Variants in ZNF532 observed in about 807,000 individuals in gnomAD.
The protein encoded by ZNF532 is zinc finger protein 532.
Under a neutral mutation model 89.3 loss-of-function variants are expected in ZNF532, and 22 were observed. The ratio of observed to expected loss-of-function variants is 0.25; its 90% CI spans 0.18 to 0.35. The LOEUF is 0.35. Ranked by LOEUF, ZNF532 falls within the 10% of genes least tolerant of loss-of-function variation. The probability of loss-of-function intolerance (pLI) is 1.00; values close to 1 mark genes in which losing one functional copy is unlikely to be tolerated. For missense variants in ZNF532, 1,132 were observed against 1,643.4 expected (o/e 0.69, Z 5.38); for synonymous variants, 606 against 649.6 (o/e 0.93, Z 1.02).
intron 2 of ZNF532, among the ~76,000 whole-genome samples, chr18:58,875,760 A>G (rs1455638169): frequency 1.3e-5 from 2 of 152,090 alleles, no homozygotes; most frequent in East Asian, 3.9e-4. Flanking sequence ...TCGACCCTAG[A>G]TTTGAACCAG....
chr18:58,965,766 C>T (rs1036239551), intron 7 of ZNF532, among the ~76,000 whole-genome samples: 26 of 152,204 alleles, frequency 1.7e-4, no homozygotes, highest in Non-Finnish European at 3.5e-4. Context: ...GGCAAATCTT[C>T]CTGCAGAATT....
intron 4 of ZNF532, among the ~76,000 whole-genome samples, chr18:58,937,334 C>T (rs976052972): frequency 6.6e-6 from 1 of 152,130 alleles, no homozygotes; most frequent in Non-Finnish European, 1.5e-5. Flanking sequence ...CCCTGAAATG[C>T]CTCTTCTTCC....
chr18:58,873,036 C>G (rs2057127733), intron 2 of ZNF532, among the ~76,000 whole-genome samples: 1 of 152,072 alleles, frequency 6.6e-6, no homozygotes, highest in African/African-American at 2.4e-5. Context: ...GAGGCAGGGT[C>G]TCACTGTGTC....
chr18:58,935,083 TCTCCTCCTCCCCA>T (rs1219753100), intron 4 of ZNF532, among the ~76,000 whole-genome samples: 51 of 88,284 alleles, frequency 5.8e-4, no homozygotes, highest in Non-Finnish European at 8.9e-4. Flanking sequence ...CAAATAACCT[TCTCCTCCTCCCCA>T]CTCCTCCTCC....
At chr18:58,915,298 G>C (rs2145969391) in intron 2 of ZNF532, among the ~76,000 whole-genome samples, 1 of 152,278 alleles carries the variant, frequency 6.6e-6, no homozygotes, top group Admixed American at 6.5e-5. Flanking sequence ...CGGCCTTCCT[G>C]CAGGTGAACT....
chr18:58,946,445 G>T (rs2063670821), intron 5 of ZNF532, among the ~76,000 whole-genome samples: 1 of 151,880 alleles, frequency 6.6e-6, no homozygotes, highest in African/African-American at 2.4e-5. Context: ...CTAATTTTTT[G>T]TATTTTTAGT....
intron 3 of ZNF532, among the ~76,000 whole-genome samples, chr18:58,922,973 G>A (rs1437933992): frequency 1.3e-5 from 2 of 149,542 alleles, no homozygotes; most frequent in Non-Finnish European, 2.9e-5. Context: ...CTGTCCCCAG[G>A]AGGAGAGATG....
At chr18:58,958,220 A>G (rs750613362) in intron 7 of ZNF532, among the ~76,000 whole-genome samples, 1 of 152,196 alleles carries the variant, frequency 6.6e-6, no homozygotes, top group East Asian at 1.9e-4. Context: ...GTAATCTGAT[A>G]TCAAGTCAAA....
intron 9 of ZNF532, among the ~76,000 whole-genome samples, chr18:58,983,627 T>G (rs1013544672): frequency 3.3e-5 from 5 of 152,076 alleles, no homozygotes. Context: ...ATGGCCCTCA[T>G]CCCACCCTGC....
chr18:58,907,604 G>GTA (rs924179798), intron 2 of ZNF532, among the ~76,000 whole-genome samples: 1 of 152,070 alleles, frequency 6.6e-6, no homozygotes, highest in African/African-American at 2.4e-5. Flanking sequence ...TTGTGTCTGT[G>GTA]TATATTCATA....
chr18:58,939,423 C>T (rs201486324), intron 4 of ZNF532, 22 bp from the exon 5 acceptor site: 59 of 1,601,710 alleles, frequency 3.7e-5, no homozygotes, highest in Middle Eastern at 1.7e-4. Context: ...TGCTAATGAC[C>T]GTGTGTTTAT....
chr18:58,942,408 TAA>T (rs2063270463), intron 5 of ZNF532, among the ~76,000 whole-genome samples: 1 of 141,676 alleles, frequency 7.1e-6, no homozygotes, highest in African/African-American at 2.7e-5. Flanking sequence ...CCTTCCTTCC[TAA>T]GTGCAAGCCT....
In ZNF532 at chr18:58,880,764, GCGCGCGCGTC is replaced by G. The variant is rs1281053295; in HGVS notation, c.-18+15186_-18+15195del. On this transcript the variant is annotated intron_variant, in intron 2 of 9. Transcript: ENST00000591808. Reference sequence around the variant, plus strand: ...AGCCCTCTCATAGGCGCGCGCGCACGCGCGCGCGTCTGTGTGTGTGTGTGTATGTTTGGGG... The same window carrying G: ...AGCCCTCTCATAGGCGCGCGCGCACGTGTGTGTGTGTGTGTATGTTTGGGG... Among the ~76,000 whole-genome samples, 79 of 139,282 alleles carry G rather than the reference GCGCGCGCGTC, an allele frequency of 5.7e-4. 1 individual carries two copies. The highest frequency in any genetic ancestry group is 2.6e-3 in the Admixed American group (38 of 14,528). 91.4% of individuals were successfully genotyped at this position (139,282 alleles called of 152,430 possible). A position where few individuals can be genotyped will look rare whatever the true frequency, so the allele number is the denominator to read the frequency against.
rs2060942124 is a variant in ZNF532 at position 58,920,418 on chromosome 18, G to T, written c.2131G>T (p.Ala711Ser). The T allele has an allele frequency of 3.7e-6, 6 of 1,613,790 alleles. No individual in the cohort carries two copies. Among genetic ancestry groups the T allele is most frequent in the Admixed American group, 1.7e-5 (1 of 59,984 alleles). Reference sequence around the variant, plus strand: ...TTCCACTCTTCAGAGCCCTGTGGGAGCTGGCACACACACTGTCACAAAAAT... The same window carrying T: ...TTCCACTCTTCAGAGCCCTGTGGGATCTGGCACACACACTGTCACAAAAAT... ...STSTLQSPVGAGTHTVTKIQS... is the reference protein window; with the variant it reads ...STSTLQSPVGSGTHTVTKIQS... Residue 711 changes from alanine to serine, a missense_variant, in exon 3 of 10, where the codon GCT becomes TCT. Around this residue, in one of 9 missense-constraint regions of ZNF532, gnomAD observed 100 missense variants for 122.0 expected, o/e 0.82. Transcript: ENST00000591808.
intron 7 of ZNF532, among the ~76,000 whole-genome samples, chr18:58,964,535 TTGTGTG>T (rs200298951): frequency 0.07 from 9,649 of 138,532 alleles, 502 homozygotes; most frequent in African/African-American, 0.15. Flanking sequence ...GATATTTTGT[TTGTGTG>T]TGTGTGTGTG....
At chr18:58,930,534 A>AGG (rs1287284862) in intron 3 of ZNF532, among the ~76,000 whole-genome samples, 1 of 151,214 alleles carries the variant, frequency 6.6e-6, no homozygotes, top group African/African-American at 2.4e-5. Context: ...AGGCTGAGGC[A>AGG]GGAGAATTGC....
At chr18:58,946,372 A>G (rs2063662874) in intron 5 of ZNF532, among the ~76,000 whole-genome samples, 1 of 149,824 alleles carries the variant, frequency 6.7e-6, no homozygotes, top group Non-Finnish European at 1.5e-5. Flanking sequence ...AGCTCACTGC[A>G]ACCTCTGCCT....
intron 4 of ZNF532, among the ~76,000 whole-genome samples, chr18:58,939,068 G>A (rs971747607): frequency 1.3e-5 from 2 of 151,580 alleles, no homozygotes; most frequent in Non-Finnish European, 2.9e-5. Flanking sequence ...CCAACATGGC[G>A]AAACCCCATC....
At chr18:58,970,317 T>C (rs1323312935) in intron 7 of ZNF532, among the ~76,000 whole-genome samples, 2 of 152,196 alleles carry the variant, frequency 1.3e-5, no homozygotes, top group South Asian at 4.1e-4. Context: ...GGAGAAAATA[T>C]TCTGTGTATT....
Sources: gnomAD v4.1 joint callset for allele counts (sites outside exome capture counted in the v4.1 genomes callset) on GRCh38, gnomAD v4.1.1 for gene constraint, gnomAD v4.1.1 regional missense constraint, MANE v1.5 for transcripts, NCBI Gene and HGNC (gene_info 2026-07-23, HGNC 2026-07-21) for gene names.